The following RAB22A variants were observed in gnomAD, a reference collection of about 807,000 sequenced individuals.
RAB22A encodes the protein RAB22A, member RAS oncogene family, also known as ras-related protein Rab-22A.
In RAB22A, 13 loss-of-function variants were observed where a neutral mutation model predicts 30.2. The ratio of observed to expected loss-of-function variants is 0.43; its 90% CI spans 0.28 to 0.68. The LOEUF is 0.68. Among genes scored for constraint, RAB22A ranks in the 30% least tolerant of loss-of-function variants. RAB22A has a pLI of 0.18. For synonymous variants in RAB22A, 89 were observed against 87.2 expected (o/e 1.02, Z -0.11); for missense variants, 177 against 246.8 (o/e 0.72, Z 1.89).
intron 2 of RAB22A, among the ~76,000 whole-genome samples, chr20:58,327,251 C>T (rs1372225123): frequency 6.6e-6 from 1 of 152,170 alleles, no homozygotes; most frequent in Non-Finnish European, 1.5e-5. Flanking sequence ...TGCTAAGTAA[C>T]AAATCGTCCC....
intron 3 of RAB22A, among the ~76,000 whole-genome samples, chr20:58,350,707 A>G (rs1600740228): frequency 6.6e-6 from 1 of 152,356 alleles, no homozygotes; most frequent in South Asian, 2.1e-4. Context: ...TCAAAGTAAG[A>G]ACATTTTTAG....
chr20:58,343,875 C>A, intron 3 of RAB22A, 76 bp downstream of exon 3: 2 of 1,147,476 alleles, frequency 1.7e-6, no homozygotes, highest in Non-Finnish European at 2.6e-6. Context: ...GCATCCCTGT[C>A]ATCTCACGTT....
intron 2 of RAB22A, among the ~76,000 whole-genome samples, chr20:58,340,585 C>G (rs892564984): frequency 6.6e-6 from 1 of 152,028 alleles, no homozygotes; most frequent in African/African-American, 2.4e-5. Flanking sequence ...TCTAGGATAG[C>G]AAGGAGATGG....
intron 3 of RAB22A, chr20:58,345,954 G>T (rs1298544668): frequency 6.6e-6 from 1 of 152,464 alleles, no homozygotes; most frequent in Non-Finnish European, 1.5e-5. Context: ...ACCTAAAGGG[G>T]GCTTTCCTGC....
Position 58,323,271 on chromosome 20 carries a change from T to C in RAB22A, c.116+12149T>C, listed in dbSNP as rs139814124. Among the ~76,000 whole-genome samples, 582 of 152,308 alleles carry C rather than the reference T, an allele frequency of 3.8e-3. 2 individuals carry two copies. The highest frequency in any genetic ancestry group is 0.013 in the African/African-American group (546 of 41,566). Reference sequence around the variant, plus strand: ...ATTGTTTTGAAATTTTCATTTTCTTTTTATTTGTTGATTATATACAGAAAT... The same window carrying C: ...ATTGTTTTGAAATTTTCATTTTCTTCTTATTTGTTGATTATATACAGAAAT... On this transcript the variant is annotated intron_variant, in intron 2 of 6. Coordinates refer to ENST00000244040, the MANE Select transcript of RAB22A (RefSeq NM_020673.3).
rs1006700001 is a variant in RAB22A, at chr20:58,362,862, T to C, written c.*3159T>C. On this transcript the variant is annotated 3_prime_UTR_variant, in exon 7 of 7. Coordinates refer to ENST00000244040, the MANE Select transcript of RAB22A (RefSeq NM_020673.3). ...TGGATGTCTGGAAGGATCGGGACTTTTGTGTGAGAGGCTTGAGCGCCTCCT... is the reference window on the plus strand; with the variant it reads ...TGGATGTCTGGAAGGATCGGGACTTCTGTGTGAGAGGCTTGAGCGCCTCCT... The C allele has an allele frequency of 2.0e-5, 3 of 152,232 alleles. No individual in the cohort carries two copies. The highest frequency in any genetic ancestry group is 4.4e-5 in the Non-Finnish European group (3 of 68,044). The allele number at this position is 152,232 out of a possible 1,614,324, so 9.4% of individuals were successfully genotyped here.
At chr20:58,334,605 T>C (rs1986714103) in intron 2 of RAB22A, among the ~76,000 whole-genome samples, 1 of 152,066 alleles carries the variant, frequency 6.6e-6, no homozygotes, top group Non-Finnish European at 1.5e-5. Flanking sequence ...TCATTGGAGA[T>C]GTCATGCGTC....
intron 2 of RAB22A, among the ~76,000 whole-genome samples, chr20:58,328,973 T>C (rs1177116005): frequency 6.6e-6 from 1 of 152,208 alleles, no homozygotes; most frequent in Admixed American, 6.5e-5. Context: ...AAGAATTTCT[T>C]TGAGCATTTC....
At chr20:58,340,183 C>G (rs1426694099) in intron 2 of RAB22A, among the ~76,000 whole-genome samples, 6 of 152,102 alleles carry the variant, frequency 3.9e-5, no homozygotes, top group Admixed American at 3.3e-4. Flanking sequence ...AGAGACACCC[C>G]CTCCTTCCAA....
At chr20:58,353,631 C>G in intron 5 of RAB22A, 93 bp downstream of exon 5, 1 of 1,099,448 alleles carries the variant, frequency 9.1e-7, no homozygotes. Context: ...TTTATTTTAT[C>G]TCTGACATTG....
chr20:58,330,206 C>T (rs116973906), intron 2 of RAB22A, among the ~76,000 whole-genome samples: 2,322 of 152,262 alleles, frequency 0.015, 26 homozygotes, highest in Non-Finnish European at 0.02. Context: ...CAGTCCCCTG[C>T]GGATACTGAA....
chr20:58,348,420 G>A (rs1439708746), intron 3 of RAB22A, among the ~76,000 whole-genome samples: 1 of 152,216 alleles, frequency 6.6e-6, no homozygotes, highest in Non-Finnish European at 1.5e-5. Context: ...TCAAGAACAA[G>A]TGTAGTGGCT....
At chr20:58,346,483 T>G (rs974934210) in intron 3 of RAB22A, among the ~76,000 whole-genome samples, 1 of 152,218 alleles carries the variant, frequency 6.6e-6, no homozygotes, top group Non-Finnish European at 1.5e-5. Flanking sequence ...CTCTGTTCCC[T>G]CCACTGGAGC....
chr20:58,331,191 C>T (rs575213480), intron 2 of RAB22A, among the ~76,000 whole-genome samples: 2 of 152,148 alleles, frequency 1.3e-5, no homozygotes, highest in African/African-American at 4.8e-5. Flanking sequence ...TGTTCTCCCC[C>T]CTCTAAATAT....
chr20:58,315,062 A>G (rs1237557034), intron 2 of RAB22A, among the ~76,000 whole-genome samples: 4 of 152,052 alleles, frequency 2.6e-5, no homozygotes, highest in Non-Finnish European at 4.4e-5. Flanking sequence ...GTGAGCCAGC[A>G]GGGACCAGTC....
rs76468856 is a variant in RAB22A at position 58,318,154 on chromosome 20, C to T, written c.116+7032C>T. The stretch of plus-strand genomic sequence containing the variant: ...AAGTGCTAGGATTAGGCATGAGCCA[C>T]AGCATTTTGCCTATTCTTTTGTAAA... On this transcript the variant is annotated intron_variant, in intron 2 of 6. Transcript: ENST00000244040. Among the ~76,000 whole-genome samples, 83 of 152,348 alleles carry T rather than the reference C, an allele frequency of 5.4e-4. No individual in the cohort carries two copies. The East Asian group carries it at 0.011, about 20-fold the overall frequency.
At position 58,359,813 on chromosome 20, in the gene RAB22A, C is replaced by T. The variant is rs540572911; in HGVS notation, c.*110C>T. 6.5e-5 allele frequency: 59 copies of T among 901,444 alleles called. No homozygotes were observed. In the African/African-American group the frequency reaches 7.5e-4, roughly 11 times the overall value. 55.8% of individuals were successfully genotyped at this position (901,444 alleles called of 1,614,324 possible). On this transcript the variant is annotated 3_prime_UTR_variant, in exon 7 of 7. Coordinates refer to ENST00000244040, the MANE Select transcript of RAB22A (RefSeq NM_020673.3). ...CACCTAGCCAGTCTTGAGTCTTCTC[C>T]GTGCAAAAAGGATTCACAGAAATGG...
At chr20:58,329,716 A>G (rs1253137334) in intron 2 of RAB22A, among the ~76,000 whole-genome samples, 3 of 152,180 alleles carry the variant, frequency 2.0e-5, no homozygotes, top group Non-Finnish European at 4.4e-5. Context: ...TGGGATTCCA[A>G]TTGTATGTAT....
intron 2 of RAB22A, among the ~76,000 whole-genome samples, chr20:58,325,305 C>T (rs1389312354): frequency 6.6e-5 from 10 of 152,022 alleles, no homozygotes; most frequent in East Asian, 1.9e-4. Context: ...GGTGAAACCC[C>T]GTCTCTACCA....
Sources: allele counts gnomAD v4.1 joint callset (sites outside exome capture counted in the v4.1 genomes callset), GRCh38; gene constraint gnomAD v4.1.1; transcripts MANE v1.5; gene names NCBI Gene and HGNC (gene_info 2026-07-23, HGNC 2026-07-21).